COG2: variants seen among roughly 807,000 people sequenced by gnomAD.
COG2 encodes the protein conserved oligomeric Golgi complex subunit 2.
Under a neutral mutation model 90.6 loss-of-function variants are expected in COG2, and 52 were observed. The ratio of observed to expected loss-of-function variants is 0.57; its 90% CI spans 0.46 to 0.72. The LOEUF (loss-of-function observed/expected upper bound fraction) is 0.72. Ranked by LOEUF, COG2 falls within the 30% of genes least tolerant of loss-of-function variation. The probability of loss-of-function intolerance (pLI) is 0.00; values close to 1 mark genes in which losing one functional copy is unlikely to be tolerated. For missense variants in COG2, 829 were observed against 891.2 expected (o/e 0.93, Z 0.89); for synonymous variants, 337 against 320.4 (o/e 1.05, Z -0.55).
chr1:230,669,653 C>CTA, intron 7 of COG2, 118 bp downstream of exon 7: 1 of 880,708 alleles, frequency 1.1e-6, no homozygotes, highest in African/African-American at 1.7e-5. Flanking sequence ...TTCTCAGTTC[C>CTA]TACAGTACCA....
intron 15 of COG2, among the ~76,000 whole-genome samples, chr1:230,689,231 T>C (rs1248540603): frequency 1.3e-5 from 2 of 152,336 alleles, no homozygotes; most frequent in Admixed American, 6.5e-5. Context: ...ATTTAAACTA[T>C]ACTGAAGGAT....
At chr1:230,675,256 T>A in intron 9 of COG2, 132 bp downstream of exon 9, 1 of 1,000,548 alleles carries the variant, frequency 1.0e-6, no homozygotes, top group Non-Finnish European at 1.4e-6. Flanking sequence ...AGTGAACATT[T>A]AACCTTAAAA....
At chr1:230,671,793 C>A (rs1001874475) in intron 8 of COG2, among the ~76,000 whole-genome samples, 153 bp downstream of exon 8, 1 of 152,156 alleles carries the variant, frequency 6.6e-6, no homozygotes, top group Non-Finnish European at 1.5e-5. Context: ...ACTGGTGATA[C>A]TGTGAGGCAG....
intron 10 of COG2, chr1:230,682,490 G>T (rs1039281359): frequency 2.6e-5 from 4 of 152,278 alleles, no homozygotes; most frequent in African/African-American, 4.8e-5. Context: ...GGCAATTAGA[G>T]TTCCTTTCCT....
At position 230,688,058 on chromosome 1, in the gene COG2, A is replaced by G. The variant is rs751565990; in HGVS notation, c.1579-13A>G. 122 of 1,561,026 alleles carry G rather than the reference A, an allele frequency of 7.8e-5. No individual in the cohort carries two copies. Among genetic ancestry groups the G allele is most frequent in the Middle Eastern group, 5.0e-4 (3 of 5,978 alleles). ...AAAAGTAACTGAATATATAAAGTGC[A>G]TATTTATTTCAGCTTCCAGAACTCT... is the stretch of plus-strand genomic sequence containing the variant. On this transcript the variant is annotated splice_polypyrimidine_tract_variant and intron_variant, in intron 13 of 17. Transcript: ENST00000366669.
At position 230,685,081 on chromosome 1, in the gene COG2, C is replaced by T; in HGVS notation, c.1229-4C>T. On this transcript the variant is annotated splice_polypyrimidine_tract_variant and splice_region_variant and intron_variant, in intron 11 of 17. Coordinates refer to ENST00000366669, the MANE Select transcript of COG2 (RefSeq NM_007357.3). ...AATGTGTGTTGTTGTTGTTTTTTCT[C>T]TAGCTGAAAGTCCGTATTGCCTTTT... 2 of 1,612,976 alleles carry T rather than the reference C, an allele frequency of 1.2e-6. No individual in the cohort carries two copies. Among genetic ancestry groups the T allele is most frequent in the Non-Finnish European group, 1.7e-6 (2 of 1,179,650 alleles).
chr1:230,684,070 G>A (rs1662826081), intron 11 of COG2, among the ~76,000 whole-genome samples: 1 of 152,038 alleles, frequency 6.6e-6, no homozygotes, highest in Non-Finnish European at 1.5e-5. Context: ...GGGATTACAG[G>A]CATGAGCCAC....
Position 230,664,503 on chromosome 1 carries a change from T to C in COG2, c.401T>C (p.Ile134Thr). ...TTATAGATGTGTGTATTGAGGCTTA[T>C]ACAAGTTATTCGGTCAGTTGAGAAA... ...RKKKMCVLRL[I>T]QVIRSVEKIE... The change falls in exon 5 of 18, where the codon ATA (isoleucine) becomes ACA (threonine). Residue 134 changes from isoleucine (I) to threonine (T), a missense_variant. By Grantham distance (89) the Ile-to-Thr change is moderately conservative. Transcript: ENST00000366669. 1 of 1,539,168 alleles carries C rather than the reference T, an allele frequency of 6.5e-7. No individual in the cohort carries two copies. Among genetic ancestry groups the C allele is most frequent in the Non-Finnish European group, 8.9e-7 (1 of 1,126,614 alleles).
intron 8 of COG2, among the ~76,000 whole-genome samples, chr1:230,672,720 G>T (rs1662482365): frequency 6.6e-6 from 1 of 151,824 alleles, no homozygotes; most frequent in African/African-American, 2.4e-5. Context: ...CATGTCCTCT[G>T]GATTGCAGGA....
rs1266276505 is a variant in COG2, at chr1:230,660,940, T to G, written c.300+117T>G. 6 of 575,722 alleles carry G rather than the reference T, an allele frequency of 1.0e-5. No individual in the cohort carries two copies. In the South Asian group the frequency reaches 1.9e-4, roughly 18 times the overall value. The allele number at this position is 575,722 out of a possible 1,614,324, so 35.7% of individuals were successfully genotyped here. A position where few individuals can be genotyped will look rare whatever the true frequency, so the allele number is the denominator to read the frequency against. On this transcript the variant is annotated intron_variant, in intron 3 of 17. Transcript: ENST00000366669. ...TGTTGATTTTTGTTTTTTGAATGTTTAGTAATTATAATACTCATCCTCAGA... is the reference window on the plus strand; with the variant it reads ...TGTTGATTTTTGTTTTTTGAATGTTGAGTAATTATAATACTCATCCTCAGA...
At chr1:230,651,140 A>G (rs1661904735) in intron 1 of COG2, among the ~76,000 whole-genome samples, 1 of 152,022 alleles carries the variant, frequency 6.6e-6, no homozygotes, top group South Asian at 2.1e-4. Context: ...TCATGTCTTC[A>G]GCTTGGTGTT....
intron 1 of COG2, among the ~76,000 whole-genome samples, chr1:230,652,553 C>A (rs546500318): frequency 1.3e-5 from 2 of 152,256 alleles, no homozygotes; most frequent in Non-Finnish European, 1.5e-5. Flanking sequence ...CATTTTCAAC[C>A]CATTTGGCTA....
At chr1:230,644,248 A>G (rs1887490) in intron 1 of COG2, among the ~76,000 whole-genome samples, 33,076 of 152,110 alleles carry the variant, frequency 0.22, 4,160 homozygotes, top group Admixed American at 0.3. Context: ...TGTAGTGCTT[A>G]TAAAAGTGAC....
chr1:230,673,355 T>A (rs1662503283), intron 8 of COG2, among the ~76,000 whole-genome samples: 1 of 152,218 alleles, frequency 6.6e-6, no homozygotes, highest in African/African-American at 2.4e-5. Context: ...CTTGCTCGGC[T>A]CCTGGCTTCA....
At chr1:230,644,666 A>G (rs1571938264) in intron 1 of COG2, among the ~76,000 whole-genome samples, 1 of 152,190 alleles carries the variant, frequency 6.6e-6, no homozygotes, top group African/African-American at 2.4e-5. Flanking sequence ...AGGGCATGCT[A>G]GTGCAGTGGT....
chr1:230,669,175 G>T, intron 6 of COG2, 181 bp from the exon 7 acceptor site: 1 of 522,032 alleles, frequency 1.9e-6, no homozygotes, highest in Non-Finnish European at 3.3e-6. Flanking sequence ...TGATGAAGCA[G>T]AGATTTACTT....
At chr1:230,671,767 T>G in intron 8 of COG2, 127 bp downstream of exon 8, 1 of 863,790 alleles carries the variant, frequency 1.2e-6, no homozygotes, top group Non-Finnish European at 1.8e-6. Flanking sequence ...ATGAATCTTG[T>G]TATTTCATTG....
chr1:230,678,256 A>G, intron 9 of COG2: 1 of 985,420 alleles, frequency 1.0e-6, no homozygotes, highest in Non-Finnish European at 1.2e-6. Flanking sequence ...TCTTTTGAGC[A>G]GGTTCTCTGT....
chr1:230,666,251 C>T lies in COG2; in HGVS notation c.485+1664C>T, dbSNP rs1383309629. Reference sequence around the variant, plus strand: ...TATTCCTTGTCTTAGGAAACGGTGCCTTTATTTCCTTCACTAACGAGGCTA... The same window carrying T: ...TATTCCTTGTCTTAGGAAACGGTGCTTTTATTTCCTTCACTAACGAGGCTA... On this transcript the variant is annotated intron_variant, in intron 5 of 17. Transcript: ENST00000366669. Among the ~76,000 whole-genome samples, 9 of 152,260 alleles carry T rather than the reference C, an allele frequency of 5.9e-5. No individual in the cohort carries two copies. The East Asian group carries it at 1.5e-3, about 26-fold the overall frequency.
Sources: allele counts gnomAD v4.1 joint callset (sites outside exome capture counted in the v4.1 genomes callset), GRCh38; gene constraint gnomAD v4.1.1; transcripts MANE v1.5; gene names NCBI Gene and HGNC (gene_info 2026-07-23, HGNC 2026-07-21).